The following SOX5 variants were observed in gnomAD, a reference collection of about 807,000 sequenced individuals.
The protein encoded by SOX5 is transcription factor SOX-5.
In SOX5, 9 loss-of-function variants were observed where a neutral mutation model predicts 92.0. That is an observed-to-expected ratio of 0.10 (90% CI 0.06 to 0.17). The LOEUF (loss-of-function observed/expected upper bound fraction) is 0.17, where lower values mean the gene tolerates loss of function less well. Ranked by LOEUF, SOX5 falls within the 10% of genes least tolerant of loss-of-function variation. SOX5 has a pLI of 1.00. For synonymous variants in SOX5, 344 were observed against 336.3 expected, an observed-to-expected ratio of 1.02 and a Z score of -0.25; for missense variants, 642 against 944.5, an observed-to-expected ratio of 0.68 and a Z score of 4.20.
At chr12:23,762,280 C>T (rs1257245400) in intron 3 of SOX5, among the ~76,000 whole-genome samples, 1 of 152,080 alleles carries the variant, frequency 6.6e-6, no homozygotes, top group Non-Finnish European at 1.5e-5. Context: ...GGCCTATAGT[C>T]CCAGCTACTC....
chr12:24,422,925 C>T (rs1325064043), intron 1 of SOX5, among the ~76,000 whole-genome samples: 1 of 152,156 alleles, frequency 6.6e-6, no homozygotes, highest in African/African-American at 2.4e-5. Flanking sequence ...GTAGAAGAAT[C>T]GCCTGAGTCT....
chr12:23,727,580 G>A (rs994917885), intron 6 of SOX5, among the ~76,000 whole-genome samples: 6 of 152,066 alleles, frequency 3.9e-5, no homozygotes, highest in Non-Finnish European at 8.8e-5. Context: ...ACAAGAAAAG[G>A]GGTTGTAAGT....
At chr12:24,225,549 C>G (rs149661252) in intron 3 of SOX5, among the ~76,000 whole-genome samples, 22 of 151,258 alleles carry the variant, frequency 1.5e-4, no homozygotes, top group Non-Finnish European at 1.5e-4. Context: ...TGGCTAATTT[C>G]TTGTCTCCAA....
intron 8 of SOX5, among the ~76,000 whole-genome samples, chr12:23,612,099 A>T (rs2076037478): frequency 6.6e-6 from 1 of 152,082 alleles, no homozygotes. Context: ...AATTGTTTAA[A>T]ATTATTTTTA....
intron 1 of SOX5, among the ~76,000 whole-genome samples, chr12:24,534,182 A>G (rs1951431908): frequency 1.3e-5 from 2 of 152,178 alleles, no homozygotes; most frequent in African/African-American, 4.8e-5. Context: ...CTCCACTTGC[A>G]GTTTTTGAAA....
intron 11 of SOX5, 74 bp downstream of exon 11, chr12:23,563,184 A>G: frequency 8.2e-7 from 1 of 1,223,466 alleles, no homozygotes; most frequent in Non-Finnish European, 1.2e-6. Flanking sequence ...GAAGATGGAA[A>G]TATATTTTTT....
intron 4 of SOX5, among the ~76,000 whole-genome samples, chr12:24,133,613 A>T (rs888781219): frequency 1.3e-5 from 2 of 152,242 alleles, no homozygotes; most frequent in East Asian, 3.9e-4. Context: ...CGGGGATGCC[A>T]AACAATGCAA....
intron 4 of SOX5, among the ~76,000 whole-genome samples, chr12:24,096,539 T>A (rs1185280828): frequency 6.6e-6 from 1 of 152,224 alleles, no homozygotes; most frequent in Non-Finnish European, 1.5e-5. Flanking sequence ...CTTATATAAA[T>A]GGAATTATAC....
chr12:23,620,576 G>T (rs2077051902), intron 8 of SOX5, among the ~76,000 whole-genome samples: 1 of 151,778 alleles, frequency 6.6e-6, no homozygotes, highest in Admixed American at 6.6e-5. Context: ...AATTCATGGT[G>T]GCCAACCTCG....
At chr12:24,262,124 AGAG>A (rs1436875539) in intron 3 of SOX5, among the ~76,000 whole-genome samples, 1 of 152,212 alleles carries the variant, frequency 6.6e-6, no homozygotes, top group East Asian at 1.9e-4. Context: ...ATAACATGTA[AGAG>A]GAGTCAGAAA....
chr12:23,896,121 T>C, intron 1 of SOX5, 97 bp from the exon 2 acceptor site: 2 of 823,732 alleles, frequency 2.4e-6, no homozygotes, highest in Non-Finnish European at 4.0e-6. Context: ...GAAATGCCTT[T>C]TTGTGCTAGC....
chr12:24,396,492 C>A (rs1960006098), intron 1 of SOX5, among the ~76,000 whole-genome samples: 1 of 152,186 alleles, frequency 6.6e-6, no homozygotes, highest in Non-Finnish European at 1.5e-5. Context: ...TTAGAGCTGC[C>A]CGGTTCCCAT....
At chr12:23,618,166 T>C (rs1204309649) in intron 8 of SOX5, among the ~76,000 whole-genome samples, 1 of 152,214 alleles carries the variant, frequency 6.6e-6, no homozygotes, top group African/African-American at 2.4e-5. Context: ...TCAGTGATTA[T>C]ACTTATATCT....
At position 23,893,020 on chromosome 12, in the gene SOX5, C is replaced by T. The variant is rs139134134; in HGVS notation, c.270+2773G>A. ...TCTCTAAAAAAATTAAAGAGAACTT[C>T]TGCTTTAGATGAAGTTCACTGAGGA... On this transcript the variant is annotated intron_variant, in intron 2 of 14. Coordinates refer to ENST00000451604, the MANE Select transcript of SOX5 (RefSeq NM_006940.6). Among the ~76,000 whole-genome samples, 555 of 152,332 alleles carry T rather than the reference C, an allele frequency of 3.6e-3. 2 individuals carry two copies. Among genetic ancestry groups the T allele is most frequent in the Middle Eastern group, 6.8e-3 (2 of 294 alleles).
At chr12:23,840,109 G>A (rs1387006653) in intron 3 of SOX5, among the ~76,000 whole-genome samples, 1 of 151,804 alleles carries the variant, frequency 6.6e-6, no homozygotes, top group Non-Finnish European at 1.5e-5. Flanking sequence ...AAAACTACTA[G>A]AGCTAATAGT....
chr12:23,911,557 AT>A (rs1287678073), intron 1 of SOX5, among the ~76,000 whole-genome samples: 1 of 152,110 alleles, frequency 6.6e-6, no homozygotes, highest in Admixed American at 6.6e-5. Flanking sequence ...TATTAATAAC[AT>A]ATAATGATTA....
At chr12:24,411,002 A>C (rs964053142) in intron 1 of SOX5, among the ~76,000 whole-genome samples, 1 of 152,166 alleles carries the variant, frequency 6.6e-6, no homozygotes. Flanking sequence ...TGCAGCATAC[A>C]CATCCTTTAA....
chr12:24,016,378 G>A (rs1953605217), intron 4 of SOX5, among the ~76,000 whole-genome samples: 1 of 152,154 alleles, frequency 6.6e-6, no homozygotes, highest in Non-Finnish European at 1.5e-5. Context: ...ACGAGTAATT[G>A]TGAAGAGTAC....
intron 8 of SOX5, among the ~76,000 whole-genome samples, chr12:23,630,043 T>C (rs993612775): frequency 1.3e-5 from 2 of 151,988 alleles, no homozygotes; most frequent in African/African-American, 4.8e-5. Context: ...AGGACATGTA[T>C]CTATTACCTA....
Sources: gnomAD v4.1 joint callset for allele counts (sites outside exome capture counted in the v4.1 genomes callset) on GRCh38, gnomAD v4.1.1 for gene constraint, MANE v1.5 for transcripts, NCBI Gene and HGNC (gene_info 2026-07-23, HGNC 2026-07-21) for gene names.